LPCAT3: variants seen among roughly 807,000 people sequenced by gnomAD.
The protein encoded by LPCAT3 is lysophosphatidylcholine acyltransferase 3.
A neutral mutation model predicts 63.4 loss-of-function variants in LPCAT3; 21 were observed. That is an observed-to-expected ratio of 0.33 (90% CI 0.23 to 0.48). The LOEUF (loss-of-function observed/expected upper bound fraction) is 0.48. LPCAT3 is among the 20% of genes least tolerant of loss of function. LPCAT3 has a pLI of 0.99. For missense variants in LPCAT3, 451 were observed against 590.6 expected, an observed-to-expected ratio of 0.76 and a Z score of 2.45; for synonymous variants, 242 against 227.5, an observed-to-expected ratio of 1.06 and a Z score of -0.58.
chr12:6,991,273 T>C (rs1207121263), intron 1 of LPCAT3, among the ~76,000 whole-genome samples: 2 of 152,218 alleles, frequency 1.3e-5, no homozygotes, highest in Non-Finnish European at 2.9e-5. Context: ...TCAGATAATT[T>C]TGGATATTCT....
chr12:6,986,532 C>G (rs1487393733), intron 1 of LPCAT3, among the ~76,000 whole-genome samples: 1 of 152,090 alleles, frequency 6.6e-6, no homozygotes, highest in Non-Finnish European at 1.5e-5. Context: ...TGCCTGTAAT[C>G]TCAGCACTTT....
Position 6,978,137 on chromosome 12 carries a change from T to C in LPCAT3, c.1040+204A>G, listed in dbSNP as rs782698853. The C allele has an allele frequency of 7.9e-5, 51 of 644,016 alleles. 1 individual carries two copies. The highest frequency in any genetic ancestry group is 1.3e-4 in the Non-Finnish European group (50 of 376,290). 39.9% of individuals were successfully genotyped at this position (644,016 alleles called of 1,614,324 possible). A position where few individuals can be genotyped will look rare whatever the true frequency, so the allele number is the denominator to read the frequency against. ...TAACACCCAGGTCTTAACGCACTTT[T>C]ATATCTTGCCTTTTTTTCAAATATG... is the stretch of plus-strand genomic sequence containing the variant. On this transcript the variant is annotated intron_variant, in intron 9 of 12. Coordinates refer to ENST00000261407, the MANE Select transcript of LPCAT3 (RefSeq NM_005768.6).
In LPCAT3 at chr12:6,983,436, G is replaced by A; in HGVS notation, c.255C>T (p.Asn85=). The A allele has an allele frequency of 1.3e-6, 2 of 1,596,546 alleles. No homozygotes were observed. The highest frequency in any genetic ancestry group is 8.6e-7 in the Non-Finnish European group (1 of 1,165,338). ...CTGCTAATTTAGTTTACTCACCAAAGTTAAAATAAGCAATTGAGAGGCCTG... is the reference window on the plus strand; with the variant it reads ...CTGCTAATTTAGTTTACTCACCAAAATTAAAATAAGCAATTGAGAGGCCTG... The part of the protein sequence containing the change: ...TFTGLSIAYF[N]FGNQLYHSLL... Residue 85 remains asparagine (N), a synonymous_variant, in exon 2 of 13, where the codon AAC becomes AAT. Coordinates refer to ENST00000261407, the MANE Select transcript of LPCAT3 (RefSeq NM_005768.6).
Position 7,018,462 on chromosome 12 carries a change from G to C in LPCAT3, c.-38C>G. On this transcript the variant is annotated 5_prime_UTR_variant, in exon 1 of 13. Transcript: ENST00000261407. The surrounding 1 kb of genome is among the most constrained non-coding windows in gnomAD (Gnocchi z 4.9). ...AGCCCCACAGGGACCCCCCAGCTCC[G>C]CGCGCCCCGAATGCGGGCAAAACGC... is the stretch of plus-strand genomic sequence containing the variant. The C allele has an allele frequency of 6.5e-7, 1 of 1,531,138 alleles. No homozygotes were observed. Among genetic ancestry groups the C allele is most frequent in the Non-Finnish European group, 8.8e-7 (1 of 1,133,368 alleles). The allele number at this position is 1,531,138 out of a possible 1,614,324, so 94.8% of individuals were successfully genotyped here.
intron 1 of LPCAT3, among the ~76,000 whole-genome samples, chr12:6,990,957 A>T (rs1362424929): frequency 6.6e-6 from 1 of 151,708 alleles, no homozygotes; most frequent in African/African-American, 2.4e-5. Flanking sequence ...CTAAAAAAAA[A>T]GTAAAAGATA....
intron 1 of LPCAT3, among the ~76,000 whole-genome samples, chr12:6,995,918 T>G (rs1324167913): frequency 6.6e-6 from 1 of 152,190 alleles, no homozygotes; most frequent in African/African-American, 2.4e-5. Context: ...CAATGTATTA[T>G]CATTATATAC....
At position 6,977,663 on chromosome 12, in the gene LPCAT3, C is replaced by T. The variant is rs1946423446; in HGVS notation, c.1123G>A (p.Gly375Ser). ...CAGACCAGGTATCCTGAGTGCAGGCCGTGCCAGAGGGCCAGGAATAGCAAC... is the reference window on the plus strand; with the variant it reads ...CAGACCAGGTATCCTGAGTGCAGGCTGTGCCAGAGGGCCAGGAATAGCAAC... Reference protein sequence around the residue: ...LSLLFLALWHGLHSGYLVCFQ... With the variant: ...LSLLFLALWHSLHSGYLVCFQ... The change falls in exon 10 of 13, where the codon GGC becomes AGC. Residue 375 changes from glycine to serine, a missense_variant. By Grantham distance (56) the Gly-to-Ser change is moderately conservative. Coordinates refer to ENST00000261407, the MANE Select transcript of LPCAT3 (RefSeq NM_005768.6). This position sits in a 1 kb window ranked among gnomAD's most constrained non-coding sequence, Gnocchi z 4.5. 3 of 1,614,168 alleles carry T rather than the reference C, an allele frequency of 1.9e-6. No individual in the cohort carries two copies. Among genetic ancestry groups the T allele is most frequent in the Non-Finnish European group, 2.5e-6 (3 of 1,180,034 alleles).
intron 1 of LPCAT3, among the ~76,000 whole-genome samples, chr12:7,002,217 CTT>C (rs1946692968): frequency 6.6e-6 from 1 of 152,158 alleles, no homozygotes; most frequent in African/African-American, 2.4e-5. Flanking sequence ...TCCTCCTGTT[CTT>C]ACCCTTATAT....
intron 1 of LPCAT3, among the ~76,000 whole-genome samples, chr12:7,014,199 C>T (rs1490906816): frequency 6.6e-6 from 1 of 152,170 alleles, no homozygotes; most frequent in Non-Finnish European, 1.5e-5. Context: ...TATCTCAGGC[C>T]CATTTCCTAT....
intron 1 of LPCAT3, among the ~76,000 whole-genome samples, chr12:7,008,771 C>T (rs1214900966): frequency 6.6e-6 from 1 of 151,706 alleles, no homozygotes; most frequent in African/African-American, 2.4e-5. Context: ...ACAAAAAACA[C>T]AACTCCTCTG....
At chr12:6,997,656 G>A (rs782534257) in intron 1 of LPCAT3, among the ~76,000 whole-genome samples, 10 of 149,746 alleles carry the variant, frequency 6.7e-5, no homozygotes, top group African/African-American at 2.2e-4. Context: ...GCGTGATCTC[G>A]GCTCACCGTA....
chr12:6,983,597 G>T, intron 1 of LPCAT3, 58 bp from the exon 2 acceptor site: 2 of 1,121,320 alleles, frequency 1.8e-6, no homozygotes, highest in Non-Finnish European at 2.7e-6. Flanking sequence ...TCCCAGTTTG[G>T]TTTGGAAGTT....
In LPCAT3 at chr12:6,976,513, T is replaced by G. The variant is rs1946403000; in HGVS notation, c.*391A>C. On this transcript the variant is annotated 3_prime_UTR_variant, in exon 13 of 13. Coordinates refer to ENST00000261407, the MANE Select transcript of LPCAT3 (RefSeq NM_005768.6). The stretch of plus-strand genomic sequence containing the variant: ...GCGGAGGCGGGTGGATCACTTGCGG[T>G]CAGGAGTTCGAGACCAGCCTGGCCA... 6.5e-6 allele frequency: 1 copy of G among 153,066 alleles called. No individual in the cohort carries two copies. The highest frequency in any genetic ancestry group is 1.5e-5 in the Non-Finnish European group (1 of 68,756). The allele number at this position is 153,066 out of a possible 1,614,324, so 9.5% of individuals were successfully genotyped here.
intron 1 of LPCAT3, among the ~76,000 whole-genome samples, chr12:6,999,788 A>G (rs1007286340): frequency 3.9e-5 from 6 of 152,178 alleles, no homozygotes; most frequent in African/African-American, 7.2e-5. Flanking sequence ...AGGGAATTTT[A>G]TCACATTCTA....
intron 1 of LPCAT3, among the ~76,000 whole-genome samples, chr12:6,997,648 G>A (rs1177680175): frequency 1.3e-5 from 2 of 150,052 alleles, no homozygotes; most frequent in African/African-American, 4.9e-5. Flanking sequence ...GTGCAATGGC[G>A]TGATCTCGGC....
intron 1 of LPCAT3, among the ~76,000 whole-genome samples, chr12:6,986,440 G>C (rs1220182946): frequency 7.9e-5 from 12 of 152,092 alleles, no homozygotes; most frequent in African/African-American, 2.9e-4. Context: ...TAATCAACTT[G>C]TTTATGCTAT....
In LPCAT3 at chr12:6,977,580, C is replaced by G; in HGVS notation, c.1188+18G>C. 1 of 1,614,160 alleles carries G rather than the reference C, an allele frequency of 6.2e-7. No individual in the cohort carries two copies. The highest frequency in any genetic ancestry group is 8.5e-7 in the Non-Finnish European group (1 of 1,180,024). ...CTTGTCCCTTATATTCCCCTTCACC[C>G]CCACCCTGGAGGCCTACCTGTCTTT... On this transcript the variant is annotated intron_variant, in intron 10 of 12. Coordinates refer to ENST00000261407, the MANE Select transcript of LPCAT3 (RefSeq NM_005768.6). The surrounding 1 kb of genome is among the most constrained non-coding windows in gnomAD (Gnocchi z 4.5).
chr12:6,981,762 T>C (rs1565598274), intron 4 of LPCAT3, 49 bp downstream of exon 4: 9 of 1,372,250 alleles, frequency 6.6e-6, no homozygotes, highest in Non-Finnish European at 9.2e-6. Flanking sequence ...TTTAGTGAGA[T>C]GGGGGAGGGA....
chr12:6,995,749 A>G (rs112264933), intron 1 of LPCAT3, among the ~76,000 whole-genome samples: 10 of 152,166 alleles, frequency 6.6e-5, no homozygotes, highest in African/African-American at 2.4e-4. Flanking sequence ...GAAACCATCA[A>G]TAGCTCCCAG....
Sources: allele counts gnomAD v4.1 joint callset (sites outside exome capture counted in the v4.1 genomes callset), GRCh38; gene constraint gnomAD v4.1.1; non-coding constraint Gnocchi (gnomAD v3.1); transcripts MANE v1.5; gene names NCBI Gene and HGNC (gene_info 2026-07-23, HGNC 2026-07-21).